The following PDE1A variants were observed in gnomAD, a reference collection of about 807,000 sequenced individuals.
The protein encoded by PDE1A is dual specificity calcium/calmodulin-dependent 3',5'-cyclic nucleotide phosphodiesterase 1A.
Under a neutral mutation model 61.7 loss-of-function variants are expected in PDE1A, and 35 were observed. The ratio of observed to expected loss-of-function variants is 0.57; its 90% CI spans 0.43 to 0.75. PDE1A has a LOEUF of 0.75. PDE1A is among the 30% of genes least tolerant of loss of function. The pLI is 0.00. For synonymous variants in PDE1A, 232 were observed against 213.2 expected, an observed-to-expected ratio of 1.09 and a Z score of -0.77; for missense variants, 597 against 630.6, an observed-to-expected ratio of 0.95 and a Z score of 0.57.
At chr2:182,672,256 C>G in the PDE1A span, among the ~76,000 whole-genome samples, 1 of 152,136 alleles carries the variant, frequency 6.6e-6, no homozygotes, top group Non-Finnish European at 1.5e-5. Context: ...ATATTACTAT[C>G]AATTTGTTAA....
At chr2:182,511,353 G>A (rs568791095) in intron 2 of PDE1A, among the ~76,000 whole-genome samples, 1 of 152,020 alleles carries the variant, frequency 6.6e-6, no homozygotes, top group Admixed American at 6.5e-5. Context: ...TGCGAATGCT[G>A]TATGGGATTG....
At chr2:182,293,605 C>T (rs1024191335) in intron 1 of PDE1A, among the ~76,000 whole-genome samples, 2 of 152,014 alleles carry the variant, frequency 1.3e-5, no homozygotes, top group East Asian at 1.9e-4. Context: ...GGAATGTGTT[C>T]CAAAACTCCC....
chr2:182,296,254 C>T (rs1265581466), intron 1 of PDE1A, among the ~76,000 whole-genome samples: 1 of 152,164 alleles, frequency 6.6e-6, no homozygotes, highest in Non-Finnish European at 1.5e-5. Context: ...TGCCCCAATG[C>T]CGTGCTGTAG....
chr2:182,611,186 C>T, the PDE1A span, among the ~76,000 whole-genome samples: 4 of 152,180 alleles, frequency 2.6e-5, no homozygotes, highest in Non-Finnish European at 1.5e-5. Context: ...AGTGATTCAG[C>T]CCACTTCCAA....
intron 1 of PDE1A, among the ~76,000 whole-genome samples, chr2:182,271,564 A>T (rs1693027060): frequency 6.6e-6 from 1 of 152,132 alleles, no homozygotes; most frequent in Non-Finnish European, 1.5e-5. Flanking sequence ...AAGTACAGAG[A>T]TGTAAACATT....
intron 1 of PDE1A, among the ~76,000 whole-genome samples, chr2:182,323,201 T>C (rs557476362): frequency 2.0e-5 from 3 of 152,172 alleles, no homozygotes; most frequent in African/African-American, 7.2e-5. Context: ...TACATATATA[T>C]AAAGGACAGA....
chr2:182,306,318 A>G (rs1198435402), intron 1 of PDE1A, among the ~76,000 whole-genome samples: 1 of 152,130 alleles, frequency 6.6e-6, no homozygotes, highest in African/African-American at 2.4e-5. Flanking sequence ...TCTCTTTGAC[A>G]TACTGATTTC....
chr2:182,487,467 C>T (rs1688090726), intron 2 of PDE1A, among the ~76,000 whole-genome samples: 1 of 152,162 alleles, frequency 6.6e-6, no homozygotes, highest in Non-Finnish European at 1.5e-5. Flanking sequence ...AACTGATGTT[C>T]ACAGCAGCAT....
the PDE1A span, among the ~76,000 whole-genome samples, chr2:182,537,761 G>A: frequency 6.6e-6 from 1 of 152,032 alleles, no homozygotes; most frequent in African/African-American, 2.4e-5. Context: ...GGAGATACTT[G>A]GCATATTAGA....
intron 2 of PDE1A, among the ~76,000 whole-genome samples, chr2:182,436,111 A>T (rs1172761629): frequency 2.0e-5 from 3 of 152,018 alleles, no homozygotes; most frequent in Non-Finnish European, 4.4e-5. Flanking sequence ...AACACTTATT[A>T]CCTTTCTAAA....
the PDE1A span, among the ~76,000 whole-genome samples, chr2:182,662,230 C>A: frequency 1.4e-5 from 2 of 147,140 alleles, no homozygotes; most frequent in South Asian, 2.2e-4. Flanking sequence ...TTGAAATATC[C>A]AAAAAAAAGT....
chr2:182,240,304 T>A lies in PDE1A; in HGVS notation c.168-12A>T, dbSNP rs774519240. The A allele has an allele frequency of 4.6e-6, 7 of 1,507,292 alleles. No individual in the cohort carries two copies. The South Asian group carries it at 8.3e-5, about 18-fold the overall frequency. The allele number at this position is 1,507,292 out of a possible 1,614,324, so 93.4% of individuals were successfully genotyped here. On this transcript the variant is annotated splice_polypyrimidine_tract_variant and intron_variant, in intron 2 of 13. Transcript: ENST00000351439. ...TATCCAGAAGTCTTCTACAAAAATT[T>A]ATACAGATTAAACTTTTTTATAAAA...
chr2:182,421,670 G>A (rs1703286682), intron 1 of PDE1A, among the ~76,000 whole-genome samples: 1 of 152,124 alleles, frequency 6.6e-6, no homozygotes, highest in African/African-American at 2.4e-5. Flanking sequence ...ATCTATTAGT[G>A]ATGACCTCTT....
At chr2:182,433,845 C>T (rs1004949000) in intron 2 of PDE1A, among the ~76,000 whole-genome samples, 2 of 152,038 alleles carry the variant, frequency 1.3e-5, no homozygotes, top group Non-Finnish European at 2.9e-5. Context: ...GAACACTTCA[C>T]GCTCTTATCC....
the PDE1A span, among the ~76,000 whole-genome samples, chr2:182,531,935 T>C: frequency 6.6e-6 from 1 of 152,116 alleles, no homozygotes; most frequent in Non-Finnish European, 1.5e-5. Flanking sequence ...CACCTATGAG[T>C]GAGAACATGT....
In PDE1A at chr2:182,264,496, C is replaced by T. The variant is rs1692460862; in HGVS notation, c.54-82G>A. 7.7e-6 allele frequency: 7 copies of T among 911,134 alleles called. No homozygotes were observed. The Admixed American group carries it at 1.2e-4, about 15-fold the overall frequency. The allele number at this position is 911,134 out of a possible 1,614,324, so 56.4% of individuals were successfully genotyped here. ...GGAAAATAGTACAGTATTAAATACA[C>T]TCAGTTAAGATTTTTAACATAGCTA... On this transcript the variant is annotated intron_variant, in intron 1 of 13. Transcript: ENST00000351439.
chr2:182,483,532 C>A (rs1360297794), intron 2 of PDE1A, among the ~76,000 whole-genome samples: 2 of 151,664 alleles, frequency 1.3e-5, no homozygotes, highest in Non-Finnish European at 2.9e-5. Context: ...ACATAAAAAA[C>A]AAACAACATA....
the PDE1A span, among the ~76,000 whole-genome samples, chr2:182,690,658 T>C: frequency 2.6e-5 from 4 of 152,204 alleles, no homozygotes; most frequent in African/African-American, 7.2e-5. Context: ...CTATTCAACA[T>C]AGTGTTGGAA....
In PDE1A at chr2:182,315,299, C is replaced by T. The variant is rs190019558; in HGVS notation, c.54-50885G>A. Among the ~76,000 whole-genome samples the T allele has an allele frequency of 2.6e-5, 4 of 152,204 alleles. No homozygotes were observed. In the East Asian group the frequency reaches 7.7e-4, roughly 29 times the overall value. ...CATATTTTTCAAGCATTCATTTATC[C>T]ATTCATTCTTCAAGAATTATTTTTT... On this transcript the variant is annotated intron_variant, in intron 1 of 13. Coordinates refer to ENST00000351439, the Ensembl canonical transcript of PDE1A.
Sources: allele counts gnomAD v4.1 joint callset (sites outside exome capture counted in the v4.1 genomes callset), GRCh38; gene constraint gnomAD v4.1.1; transcripts MANE v1.5; gene names NCBI Gene and HGNC (gene_info 2026-07-23, HGNC 2026-07-21).